Variants in NCAPD3 observed in about 807,000 individuals in gnomAD.
The protein encoded by NCAPD3 is condensin-2 complex subunit D3.
NCAPD3 carries 105 observed loss-of-function variants against 182.9 expected under a neutral mutation model. That is an observed-to-expected ratio of 0.57 (90% confidence interval 0.49 to 0.68). NCAPD3 has a LOEUF of 0.68. Among genes scored for constraint, NCAPD3 ranks in the 30% least tolerant of loss-of-function variants. The probability of loss-of-function intolerance (pLI) is 0.00; values close to 1 mark genes in which losing one functional copy is unlikely to be tolerated. For missense variants in NCAPD3, 1,944 were observed against 1,837.0 expected, an observed-to-expected ratio of 1.06 and a Z score of -1.07; for synonymous variants, 815 against 679.9, an observed-to-expected ratio of 1.20 and a Z score of -3.09.
At chr11:134,202,580 T>C (rs1164509629) in intron 13 of NCAPD3, among the ~76,000 whole-genome samples, 1 of 151,760 alleles carries the variant, frequency 6.6e-6, no homozygotes, top group African/African-American at 2.4e-5. Flanking sequence ...GGGGTCTTGA[T>C]GTGTTGCCCA....
intron 27 of NCAPD3, among the ~76,000 whole-genome samples, chr11:134,163,403 TAAG>T (rs1054810868): frequency 7.9e-5 from 12 of 151,990 alleles, no homozygotes; most frequent in African/African-American, 2.7e-4. Flanking sequence ...AATTTGTACT[TAAG>T]AAAGACTGCT....
rs779157360 is a variant in NCAPD3 at position 134,192,783 on chromosome 11, T to C, written c.1951A>G (p.Ile651Val). 10 of 1,614,268 alleles carry C rather than the reference T, an allele frequency of 6.2e-6. No homozygotes were observed. Among genetic ancestry groups the C allele is most frequent in the Admixed American group, 3.3e-5 (2 of 60,036 alleles). The change falls in exon 16 of 35, where the codon ATC becomes GTC. Residue 651 changes from isoleucine (I) to valine (V), a missense_variant. Physicochemically the swap from Ile to Val is conservative, Grantham distance 29. Around this residue, in one of 3 missense-constraint regions of NCAPD3, gnomAD observed 1,803 missense variants for 1,674.6 expected, o/e 1.08. Transcript: ENST00000534548. ...EFLDQLLLQN[I>V]RHHSHFHSGD... ...GAGTGAAAATGACTGTGATGCCGGATGTTCTGCAGCAGCAGCTGGTCCAGG... is the reference window on the plus strand; with the variant it reads ...GAGTGAAAATGACTGTGATGCCGGACGTTCTGCAGCAGCAGCTGGTCCAGG...
At position 134,168,491 on chromosome 11, in the gene NCAPD3, G is replaced by C. The variant is rs1943923728; in HGVS notation, c.3351C>G (p.Ser1117=). 4 of 1,614,050 alleles carry C rather than the reference G, an allele frequency of 2.5e-6. No individual in the cohort carries two copies. The highest frequency in any genetic ancestry group is 2.5e-6 in the Non-Finnish European group (3 of 1,180,024). ...FTDEQRFNIT[S]KICLSILACF... is the part of the protein sequence containing the mutation. ...TACCCAAAATACTAAGGCAGATTTT[G>C]GAAGTGATGTTGAATCGCTGTTCAT... Residue 1117 remains serine (S), a synonymous_variant, in exon 26 of 35, where the codon TCC becomes TCG. Coordinates refer to ENST00000534548, the MANE Select transcript of NCAPD3 (RefSeq NM_015261.3).
chr11:134,197,682 G>T (rs1267175395), intron 13 of NCAPD3, among the ~76,000 whole-genome samples: 1 of 152,136 alleles, frequency 6.6e-6, no homozygotes, highest in Non-Finnish European at 1.5e-5. Flanking sequence ...ACCAAATCCA[G>T]CAAGATACAA....
chr11:134,153,354 C>CTGA lies in NCAPD3; in HGVS notation c.4259_4261dup (p.Ile1420dup), dbSNP rs1943317340. On this transcript the variant is annotated inframe_insertion, in exon 33 of 35. Coordinates refer to ENST00000534548, the MANE Select transcript of NCAPD3 (RefSeq NM_015261.3). ...GACCCCTGCTCCAAACGTGACATCA[C>CTGA]TGATGCTCTCTGCATAAAGAGGAGA... is the stretch of plus-strand genomic sequence containing the variant. The CTGA allele has an allele frequency of 2.5e-6, 4 of 1,614,172 alleles. No individual in the cohort carries two copies. Among genetic ancestry groups the CTGA allele is most frequent in the Non-Finnish European group, 3.4e-6 (4 of 1,180,028 alleles).
rs765690887 is a variant in NCAPD3, at chr11:134,204,091, G to A, written c.1170C>T (p.Tyr390=). The part of the protein sequence containing the change: ...QLLSKLPCGE[Y]AMFIAWLYKY... ...TGTAAAGCCAGGCAATGAACATAGC[G>A]TATTCCCCACAAGGAAGTTTACTGA... Residue 390 remains tyrosine (Y), a synonymous_variant, in exon 10 of 35, where the codon TAC becomes TAT. Transcript: ENST00000534548. The surrounding 1 kb of genome is among the most constrained non-coding windows in gnomAD (Gnocchi z 4.3). The A allele has an allele frequency of 2.4e-5, 39 of 1,613,914 alleles. 1 individual carries two copies. The highest frequency in any genetic ancestry group is 3.3e-4 in the Middle Eastern group (2 of 6,084).
At chr11:134,193,470 G>C (rs532460421) in intron 15 of NCAPD3, among the ~76,000 whole-genome samples, 14 of 152,156 alleles carry the variant, frequency 9.2e-5, no homozygotes, top group Admixed American at 8.5e-4. Context: ...GTGAAGAAAA[G>C]GGCCGGGTGC....
chr11:134,180,448 C>T (rs966175612), intron 20 of NCAPD3, among the ~76,000 whole-genome samples: 2 of 144,662 alleles, frequency 1.4e-5, no homozygotes, highest in African/African-American at 5.2e-5. Flanking sequence ...GATGTTGGAA[C>T]CAGAATTACT....
chr11:134,224,005 G>C (rs946618176), upstream of NCAPD3: 1 of 1,529,998 alleles, frequency 6.5e-7, no homozygotes, highest in East Asian at 2.4e-5. Flanking sequence ...TCGTTCCTGT[G>C]GACCAATCAC....
intron 32 of NCAPD3, among the ~76,000 whole-genome samples, chr11:134,154,371 C>A (rs1591816739): frequency 6.6e-6 from 1 of 152,086 alleles, no homozygotes; most frequent in Non-Finnish European, 1.5e-5. Context: ...CCCAAGCTGC[C>A]TTTACAGACT....
At chr11:134,187,805 G>T (rs1591844045) in intron 16 of NCAPD3, among the ~76,000 whole-genome samples, 1 of 152,190 alleles carries the variant, frequency 6.6e-6, no homozygotes, top group Non-Finnish European at 1.5e-5. Flanking sequence ...AACTGGAGGA[G>T]AGGAAGTGCA....
At chr11:134,165,952 G>C (rs1943775831) in intron 27 of NCAPD3, among the ~76,000 whole-genome samples, 1 of 117,252 alleles carries the variant, frequency 8.5e-6, no homozygotes. Flanking sequence ...CTTGTGAGAT[G>C]AGCTTGGGGG....
chr11:134,155,539 G>A (rs770191299), intron 32 of NCAPD3, among the ~76,000 whole-genome samples: 15 of 152,156 alleles, frequency 9.9e-5, no homozygotes, highest in Non-Finnish European at 1.8e-4. Flanking sequence ...AGCACAAAGC[G>A]TGGCTCCACA....
intron 3 of NCAPD3, among the ~76,000 whole-genome samples, chr11:134,215,674 G>A (rs1011324745): frequency 4.6e-5 from 7 of 152,138 alleles, no homozygotes; most frequent in South Asian, 2.1e-4. Flanking sequence ...GACATCCTGC[G>A]GCTAGGGATT....
In NCAPD3 at chr11:134,165,406, G is replaced by C. The variant is rs75072309; in HGVS notation, c.3573+2590C>G. ...CTTCGGGGAAGGGGCACACTTCTGA[G>C]ATGAGCTTAGGGGAAGAAGCACACT... On this transcript the variant is annotated intron_variant, in intron 27 of 34. Coordinates refer to ENST00000534548, the MANE Select transcript of NCAPD3 (RefSeq NM_015261.3). Among the ~76,000 whole-genome samples, 459 of 150,064 alleles carry C rather than the reference G, an allele frequency of 3.1e-3. 8 individuals are homozygous for C. Among genetic ancestry groups the C allele is most frequent in the East Asian group, 0.011 (54 of 4,922 alleles).
At chr11:134,225,315 G>A (rs1224847997), upstream of NCAPD3, 1 of 1,613,922 alleles carries the variant, frequency 6.2e-7, no homozygotes, top group Non-Finnish European at 8.5e-7. Context: ...GGAGCACCAG[G>A]GCATCAAGAT....
At chr11:134,158,220 G>A (rs901459544) in intron 30 of NCAPD3, 109 bp downstream of exon 30, 1 of 1,533,626 alleles carries the variant, frequency 6.5e-7, no homozygotes, top group Non-Finnish European at 8.9e-7. Context: ...GGGGTGGCAG[G>A]CCAGACAATG....
intron 32 of NCAPD3, 59 bp downstream of exon 32, chr11:134,156,957 AAC>A (rs1354210085): frequency 1.4e-6 from 2 of 1,432,066 alleles, no homozygotes; most frequent in South Asian, 1.2e-5. Flanking sequence ...GACTCTAGCA[AAC>A]ACATCACGAA....
intron 2 of NCAPD3, among the ~76,000 whole-genome samples, chr11:134,218,112 G>T (rs1485088434): frequency 5.0e-5 from 3 of 60,236 alleles, no homozygotes; most frequent in Non-Finnish European, 9.3e-5. Flanking sequence ...AAAAAAAAAG[G>T]GGGGGGGGGG....
Sources: gnomAD v4.1 joint callset for allele counts (sites outside exome capture counted in the v4.1 genomes callset) on GRCh38, gnomAD v4.1.1 for gene constraint, gnomAD v4.1.1 regional missense constraint, Gnocchi (gnomAD v3.1) non-coding constraint, MANE v1.5 for transcripts, NCBI Gene and HGNC (gene_info 2026-07-23, HGNC 2026-07-21) for gene names.